Variants in DOCK3 observed in about 807,000 individuals in gnomAD.
The protein encoded by DOCK3 is dedicator of cytokinesis protein 3.
Under a neutral mutation model 265.6 loss-of-function variants are expected in DOCK3, and 60 were observed. The ratio of observed to expected loss-of-function variants is 0.23; its 90% CI spans 0.18 to 0.28. The LOEUF is 0.28. Ranked by LOEUF, DOCK3 falls within the 10% of genes least tolerant of loss-of-function variation. The pLI is 1.00. For synonymous variants in DOCK3, 881 were observed against 938.0 expected, an observed-to-expected ratio of 0.94 and a Z score of 1.11; for missense variants, 1,981 against 2,594.3, an observed-to-expected ratio of 0.76 and a Z score of 5.14.
intron 3 of DOCK3, among the ~76,000 whole-genome samples, chr3:50,852,819 T>C: frequency 6.6e-6 from 1 of 152,348 alleles, no homozygotes; most frequent in East Asian, 1.9e-4. Flanking sequence ...AAAAGATATT[T>C]TTATTGGATA....
At chr3:50,810,321 C>T (rs1315453931) in intron 2 of DOCK3, among the ~76,000 whole-genome samples, 4 of 152,032 alleles carry the variant, frequency 2.6e-5, no homozygotes, top group African/African-American at 4.8e-5. Context: ...GAGACCGAGG[C>T]GGGCGGATCA....
At chr3:51,274,282 G>A (rs2080688020) in intron 24 of DOCK3, among the ~76,000 whole-genome samples, 1 of 152,194 alleles carries the variant, frequency 6.6e-6, no homozygotes, top group African/African-American at 2.4e-5. Flanking sequence ...GGGAAAGGGA[G>A]CAGGCCTGTT....
intron 5 of DOCK3, 52 bp downstream of exon 5, chr3:50,934,129 TAAAAATATTAAACTA>T: frequency 8.0e-7 from 1 of 1,248,226 alleles, no homozygotes; most frequent in Non-Finnish European, 1.1e-6. Context: ...GTGTACCAAG[TAAAAATATTAAACTA>T]TGCTAAGTAT....
intron 2 of DOCK3, among the ~76,000 whole-genome samples, chr3:50,782,724 T>C (rs1023541115): frequency 9.9e-5 from 15 of 152,032 alleles, no homozygotes; most frequent in African/African-American, 3.4e-4. Flanking sequence ...GAGATTTTGG[T>C]GCACCCATCA....
chr3:51,027,934 G>T (rs1189023893), intron 5 of DOCK3, among the ~76,000 whole-genome samples: 1 of 151,894 alleles, frequency 6.6e-6, no homozygotes, highest in Non-Finnish European at 1.5e-5. Context: ...GGCTGTGTAG[G>T]TTCAACTTTG....
intron 22 of DOCK3, among the ~76,000 whole-genome samples, chr3:51,248,805 C>G (rs1022137530): frequency 1.3e-5 from 2 of 149,368 alleles, no homozygotes; most frequent in East Asian, 2.0e-4. Flanking sequence ...TTTGCCCGGC[C>G]GCCCATCGTC....
chr3:51,257,172 G>T (rs1387725108), intron 22 of DOCK3, among the ~76,000 whole-genome samples: 2 of 152,194 alleles, frequency 1.3e-5, no homozygotes, highest in Admixed American at 1.3e-4. Context: ...CACTTGTTCT[G>T]TAATACGTCC....
At chr3:51,379,707 A>C in intron 51 of DOCK3, 4 of 873,864 alleles carry the variant, frequency 4.6e-6, no homozygotes, top group Non-Finnish European at 5.5e-6. Context: ...CACCCCCACC[A>C]CAGGAAGGAT....
At chr3:50,992,483 GA>G (rs2078142394) in intron 5 of DOCK3, among the ~76,000 whole-genome samples, 41 of 152,174 alleles carry the variant, frequency 2.7e-4, no homozygotes, top group Admixed American at 2.7e-3. Flanking sequence ...TAGTAGTAGA[GA>G]CAGGGTTTCA....
At chr3:51,317,464 C>T (rs61337570) in intron 32 of DOCK3, among the ~76,000 whole-genome samples, 3,451 of 151,120 alleles carry the variant, frequency 0.023, 151 homozygotes, top group African/African-American at 0.079. Context: ...CCTGTAGTCC[C>T]AGATACTCAG....
intron 38 of DOCK3, among the ~76,000 whole-genome samples, chr3:51,345,664 CACA>C (rs770335419): frequency 1.6e-4 from 24 of 152,242 alleles, no homozygotes; most frequent in Non-Finnish European, 1.2e-4. Context: ...CATGCACACA[CACA>C]ACAACAACAA....
chr3:50,799,745 T>A (rs1047797135), intron 2 of DOCK3, among the ~76,000 whole-genome samples: 2 of 152,182 alleles, frequency 1.3e-5, no homozygotes, highest in African/African-American at 4.8e-5. Flanking sequence ...TAGTGCTATG[T>A]TGAATAAGAG....
chr3:51,008,105 G>T (rs576524868), intron 5 of DOCK3, among the ~76,000 whole-genome samples: 8 of 152,222 alleles, frequency 5.3e-5, no homozygotes, highest in African/African-American at 1.9e-4. Context: ...GGCAATGAGG[G>T]CTCTTTTTTG....
At chr3:51,263,457 T>C (rs2079974685) in intron 23 of DOCK3, among the ~76,000 whole-genome samples, 1 of 152,196 alleles carries the variant, frequency 6.6e-6, no homozygotes, top group South Asian at 2.1e-4. Context: ...TACCAGCCAC[T>C]GCAAAAACAT....
chr3:51,116,620 T>C (rs2083756121), intron 9 of DOCK3, among the ~76,000 whole-genome samples: 1 of 152,218 alleles, frequency 6.6e-6, no homozygotes, highest in East Asian at 1.9e-4. Context: ...CATTTGTTTG[T>C]GTCCTCTCTT....
chr3:50,861,518 G>T (rs375188289), intron 3 of DOCK3, among the ~76,000 whole-genome samples: 14 of 152,136 alleles, frequency 9.2e-5, no homozygotes, highest in African/African-American at 3.4e-4. Context: ...AGTTCTGTCT[G>T]TGGGTATTGA....
At chr3:51,157,640 G>A (rs893816354) in intron 10 of DOCK3, among the ~76,000 whole-genome samples, 2 of 152,122 alleles carry the variant, frequency 1.3e-5, no homozygotes, top group Non-Finnish European at 2.9e-5. Context: ...CAAAGCACAG[G>A]ATCTTGAGGA....
intron 6 of DOCK3, among the ~76,000 whole-genome samples, chr3:51,066,127 A>T (rs1181401418): frequency 6.6e-6 from 1 of 152,196 alleles, no homozygotes; most frequent in African/African-American, 2.4e-5. Context: ...AGACAAATAT[A>T]TAGGCAATAC....
At chr3:50,804,511 C>T (rs937031861) in intron 2 of DOCK3, among the ~76,000 whole-genome samples, 17 of 152,284 alleles carry the variant, frequency 1.1e-4, no homozygotes, top group South Asian at 2.1e-4. Context: ...CTGAGGCTGG[C>T]GGATCACTCA....
Sources: gnomAD v4.1 joint callset for allele counts (sites outside exome capture counted in the v4.1 genomes callset) on GRCh38, gnomAD v4.1.1 for gene constraint, MANE v1.5 for transcripts, NCBI Gene and HGNC (gene_info 2026-07-23, HGNC 2026-07-21) for gene names.